Variants in PKP4 observed in about 807,000 individuals in gnomAD.
PKP4 encodes the protein plakophilin 4.
A neutral mutation model predicts 145.1 loss-of-function variants in PKP4; 90 were observed. The ratio of observed to expected loss-of-function variants is 0.62; its 90% CI spans 0.52 to 0.74. PKP4 has a LOEUF of 0.74. PKP4 is among the 30% of genes least tolerant of loss of function. PKP4 has a pLI of 0.00. For synonymous variants in PKP4, 563 were observed against 577.2 expected, an observed-to-expected ratio of 0.98 and a Z score of 0.35; for missense variants, 1,340 against 1,482.7, an observed-to-expected ratio of 0.90 and a Z score of 1.58.
chr2:158,522,392 T>C (rs2105570718), intron 1 of PKP4, among the ~76,000 whole-genome samples: 1 of 152,346 alleles, frequency 6.6e-6, no homozygotes, highest in South Asian at 2.1e-4. Context: ...GTCTGCAGCC[T>C]TGAGCAGAAA....
chr2:158,551,938 GAAT>G (rs1280691829), intron 2 of PKP4, among the ~76,000 whole-genome samples: 1 of 152,206 alleles, frequency 6.6e-6, no homozygotes, highest in Non-Finnish European at 1.5e-5. Context: ...GTGGGAGGCA[GAAT>G]AATGCTCTCC....
In PKP4 at chr2:158,590,318, T is replaced by A. The variant is rs1308866872; in HGVS notation, c.246-12752T>A. Among the ~76,000 whole-genome samples the A allele has an allele frequency of 1.1e-4, 11 of 103,540 alleles. No individual in the cohort carries two copies. The Middle Eastern group carries it at 0.018, about 170-fold the overall frequency. 67.9% of individuals were successfully genotyped at this position (103,540 alleles called of 152,430 possible). A position where few individuals can be genotyped will look rare whatever the true frequency, so the allele number is the denominator to read the frequency against. On this transcript the variant is annotated intron_variant, in intron 3 of 21. Coordinates refer to ENST00000389759, the MANE Select transcript of PKP4 (RefSeq NM_003628.6). Reference sequence around the variant, plus strand: ...TCCAAGGAGGAATGTCTTGAGTGTGTGTGTGTGTGTGTGTGTGTGTGTGTG... The same window carrying A: ...TCCAAGGAGGAATGTCTTGAGTGTGAGTGTGTGTGTGTGTGTGTGTGTGTG...
chr2:158,477,982 A>G (rs181987759), intron 1 of PKP4, among the ~76,000 whole-genome samples: 2 of 152,334 alleles, frequency 1.3e-5, no homozygotes, highest in East Asian at 3.9e-4. Context: ...GCCAGGGACA[A>G]GGTTTATTCC....
chr2:158,658,189 T>C lies in PKP4; in HGVS notation c.1968T>C (p.Ala656=), dbSNP rs2056184964. 7 of 1,604,454 alleles carry C rather than the reference T, an allele frequency of 4.4e-6. No homozygotes were observed. Among genetic ancestry groups the C allele is most frequent in the Non-Finnish European group, 6.0e-6 (7 of 1,171,836 alleles). Residue 656 remains alanine (A), a synonymous_variant, in exon 12 of 22, where the codon GCT becomes GCC. Coordinates refer to ENST00000389759, the MANE Select transcript of PKP4 (RefSeq NM_003628.6). ...TAAAAATGACAATCATTCGAGATGC[T>C]CTCTCAACCTTAACAAACACTGTGA... is the stretch of plus-strand genomic sequence containing the variant. The part of the protein sequence containing the change: ...DAVKMTIIRD[A]LSTLTNTVIV...
At chr2:158,570,550 C>G (rs1475496904) in intron 2 of PKP4, among the ~76,000 whole-genome samples, 5 of 152,128 alleles carry the variant, frequency 3.3e-5, no homozygotes, top group African/African-American at 1.2e-4. Context: ...AATAAAAATG[C>G]TTGCTTTCTT....
At chr2:158,462,845 T>C (rs888273960) in intron 1 of PKP4, among the ~76,000 whole-genome samples, 1 of 152,196 alleles carries the variant, frequency 6.6e-6, no homozygotes, top group African/African-American at 2.4e-5. Flanking sequence ...CCACTTCATA[T>C]GGTTGTTGGG....
chr2:158,486,736 G>A (rs1472495921), intron 1 of PKP4, among the ~76,000 whole-genome samples: 2 of 152,256 alleles, frequency 1.3e-5, no homozygotes, highest in Admixed American at 6.5e-5. Flanking sequence ...GTACTGATGT[G>A]TAATGCCAGC....
chr2:158,550,989 G>A (rs1035207549), intron 2 of PKP4, among the ~76,000 whole-genome samples: 9 of 152,300 alleles, frequency 5.9e-5, no homozygotes, highest in South Asian at 2.1e-4. Flanking sequence ...TATAAAATAT[G>A]TGACCATATA....
intron 10 of PKP4, among the ~76,000 whole-genome samples, chr2:158,642,198 A>C (rs958233649): frequency 1.3e-5 from 2 of 152,064 alleles, no homozygotes; most frequent in African/African-American, 2.4e-5. Flanking sequence ...AGTTTTCTCT[A>C]TTTTTAGTAG....
At chr2:158,598,793 T>C (rs999916322) in intron 3 of PKP4, among the ~76,000 whole-genome samples, 1 of 152,116 alleles carries the variant, frequency 6.6e-6, no homozygotes, top group Non-Finnish European at 1.5e-5. Context: ...TTCCTGTTAT[T>C]ATAGAACGTG....
At chr2:158,532,027 A>G (rs1447771565) in intron 1 of PKP4, among the ~76,000 whole-genome samples, 9 of 152,204 alleles carry the variant, frequency 5.9e-5, no homozygotes, top group Admixed American at 3.3e-4. Flanking sequence ...ATGGGATCTC[A>G]GAGGGTGTGT....
intron 4 of PKP4, among the ~76,000 whole-genome samples, chr2:158,612,138 G>A (rs928827652): frequency 2.0e-5 from 3 of 151,378 alleles, no homozygotes; most frequent in Admixed American, 1.3e-4. Context: ...CACACATAAT[G>A]TATAGGAAAA....
chr2:158,484,873 G>A (rs1394442181), intron 1 of PKP4, among the ~76,000 whole-genome samples: 2 of 152,212 alleles, frequency 1.3e-5, no homozygotes, highest in African/African-American at 4.8e-5. Flanking sequence ...TTAGAAGGGA[G>A]TACTTCCAGT....
intron 4 of PKP4, among the ~76,000 whole-genome samples, chr2:158,608,047 A>G (rs1409110246): frequency 6.6e-6 from 1 of 152,248 alleles, no homozygotes; most frequent in African/African-American, 2.4e-5. Flanking sequence ...TCAAAATAAC[A>G]AAAGTATGAT....
intron 3 of PKP4, among the ~76,000 whole-genome samples, chr2:158,579,813 T>C (rs2048176207): frequency 1.3e-5 from 2 of 152,052 alleles, no homozygotes; most frequent in Admixed American, 1.3e-4. Context: ...GAAGAATAGC[T>C]GTAGGAGGAT....
chr2:158,487,258 G>A (rs1387004913), intron 1 of PKP4, among the ~76,000 whole-genome samples: 2 of 152,068 alleles, frequency 1.3e-5, no homozygotes, highest in Non-Finnish European at 2.9e-5. Flanking sequence ...CTGGCACAAA[G>A]CCTTTTTTTA....
intron 1 of PKP4, among the ~76,000 whole-genome samples, chr2:158,522,467 A>G (rs1402657110): frequency 1.3e-5 from 2 of 152,204 alleles, no homozygotes; most frequent in Admixed American, 6.5e-5. Context: ...ACACAATTAT[A>G]CTGCCAGTTT....
intron 1 of PKP4, among the ~76,000 whole-genome samples, chr2:158,513,680 C>T (rs1186833875): frequency 6.6e-6 from 1 of 152,204 alleles, no homozygotes; most frequent in Admixed American, 6.5e-5. Flanking sequence ...ACCACCTTCA[C>T]TGGGACCAGT....
chr2:158,556,589 C>A (rs1261072433), intron 2 of PKP4, among the ~76,000 whole-genome samples: 2 of 149,848 alleles, frequency 1.3e-5, no homozygotes, highest in Non-Finnish European at 2.9e-5. Context: ...TTAAGATATG[C>A]CAAAGATACT....
Sources: gnomAD v4.1 joint callset for allele counts (sites outside exome capture counted in the v4.1 genomes callset) on GRCh38, gnomAD v4.1.1 for gene constraint, MANE v1.5 for transcripts, NCBI Gene and HGNC (gene_info 2026-07-23, HGNC 2026-07-21) for gene names.